The following GABBR1 variants were observed in gnomAD, a reference collection of about 807,000 sequenced individuals.
The protein encoded by GABBR1 is gamma-aminobutyric acid type B receptor subunit 1.
A neutral mutation model predicts 117.7 loss-of-function variants in GABBR1; 35 were observed. The observed-to-expected ratio is 0.30, with a 90% confidence interval of 0.23 to 0.39. The LOEUF (loss-of-function observed/expected upper bound fraction) is 0.39, where lower values mean the gene tolerates loss of function less well. GABBR1 is among the 10% of genes least tolerant of loss of function. GABBR1 has a pLI of 1.00. For missense variants in GABBR1, 709 were observed against 1,241.8 expected, an observed-to-expected ratio of 0.57 and a Z score of 6.45; for synonymous variants, 442 against 486.6, an observed-to-expected ratio of 0.91 and a Z score of 1.21.
At position 29,631,508 on chromosome 6, in the gene GABBR1, C is replaced by T. The variant is rs746675768; in HGVS notation, c.177G>A (p.Val59=). 8.1e-6 allele frequency: 13 copies of T among 1,614,116 alleles called. No individual in the cohort carries two copies. In the Admixed American group the frequency reaches 1.0e-4, roughly 12 times the overall value. ...GGCACACATACTCAATCTCATAGTC[C>T]ACTGGCAGGAAGTTGATAGCCTTCA... is the stretch of plus-strand genomic sequence containing the variant. ...DQVKAINFLP[V]DYEIEYVCRG... is the part of the protein sequence containing the mutation. The change falls in exon 3 of 23, where the codon GTG becomes GTA. Residue 59 remains valine, a synonymous_variant. Coordinates refer to ENST00000377034, the MANE Select transcript of GABBR1 (RefSeq NM_001470.4). This position sits in a 1 kb window ranked among gnomAD's most constrained non-coding sequence, Gnocchi z 5.9.
At position 29,622,469 on chromosome 6, in the gene GABBR1, T is replaced by C; in HGVS notation, c.964-264A>G. On this transcript the variant is annotated intron_variant, in intron 8 of 22. Transcript: ENST00000377034. This position sits in a 1 kb window ranked among gnomAD's most constrained non-coding sequence, Gnocchi z 4.6. ...GGAAGCCACTCCATTCACCCACTCCTACCACTGAAGGCAAAGATGGGGTAA... is the reference window on the plus strand; with the variant it reads ...GGAAGCCACTCCATTCACCCACTCCCACCACTGAAGGCAAAGATGGGGTAA... 2.1e-6 allele frequency: 1 copy of C among 486,872 alleles called. No homozygotes were observed. The highest frequency in any genetic ancestry group is 3.7e-6 in the Non-Finnish European group (1 of 272,214). 30.2% of individuals were successfully genotyped at this position (486,872 alleles called of 1,614,324 possible). A position where few individuals can be genotyped will look rare whatever the true frequency, so the allele number is the denominator to read the frequency against.
Position 29,625,254 on chromosome 6 carries a change from A to T in GABBR1, c.658-1230T>A, listed in dbSNP as rs1388598816. On this transcript the variant is annotated intron_variant, in intron 6 of 22. Coordinates refer to ENST00000377034, the MANE Select transcript of GABBR1 (RefSeq NM_001470.4). ...TAGGGCAACTTTGTAAATCTTTACC[A>T]TTCTCAGGACCCACCTTCCTGCACT... is the stretch of plus-strand genomic sequence containing the variant. 2.6e-5 allele frequency among the ~76,000 whole-genome samples: 4 copies of T among 152,192 alleles called. No homozygotes were observed. In the South Asian group the frequency reaches 8.3e-4, roughly 32 times the overall value.
At chr6:29,612,463 G>A in intron 13 of GABBR1, 88 bp downstream of exon 13, 2 of 1,076,778 alleles carry the variant, frequency 1.9e-6, no homozygotes, top group Non-Finnish European at 2.8e-6. Context: ...GCAATCTTGT[G>A]ATGTCTCTGG....
chr6:29,624,913 C>A (rs28359984), intron 6 of GABBR1, among the ~76,000 whole-genome samples: 14,869 of 151,948 alleles, frequency 0.098, 853 homozygotes, highest in Middle Eastern at 0.21. Flanking sequence ...CATGTGAAGA[C>A]GAAATGGCAG....
intron 14 of GABBR1, among the ~76,000 whole-genome samples, chr6:29,610,050 T>A (rs1297008462): frequency 6.7e-6 from 1 of 149,362 alleles, no homozygotes; most frequent in Non-Finnish European, 1.5e-5. Context: ...TCCAGAACAT[T>A]GTCCTAAATT....
At position 29,613,298 on chromosome 6, in the gene GABBR1, G is replaced by T. The variant is rs1264897322; in HGVS notation, c.1511C>A (p.Thr504Asn). 1.2e-5 allele frequency: 20 copies of T among 1,613,006 alleles called. No individual in the cohort carries two copies. The highest frequency in any genetic ancestry group is 1.7e-5 in the Non-Finnish European group (20 of 1,179,974). ...RLEDFNYNNQTITDQIYRAMN... is the reference protein window; with the variant it reads ...RLEDFNYNNQNITDQIYRAMN... Reference sequence around the variant, plus strand: ...TGCCCGGTAGATTTGGTCGGTAATGGTCTGGTTGTTGTAGTTGAAGTCCTC... The same window carrying T: ...TGCCCGGTAGATTTGGTCGGTAATGTTCTGGTTGTTGTAGTTGAAGTCCTC... Residue 504 changes from threonine to asparagine, a missense_variant, in exon 12 of 23, where the codon ACC (threonine) becomes AAC (asparagine). Thr to Asn is a moderately conservative substitution (Grantham distance 65). Around this residue, in one of 9 missense-constraint regions of GABBR1, gnomAD observed 38 missense variants for 47.7 expected, o/e 0.80. Coordinates refer to ENST00000377034, the MANE Select transcript of GABBR1 (RefSeq NM_001470.4). This position sits in a 1 kb window ranked among gnomAD's most constrained non-coding sequence, Gnocchi z 4.1.
rs1309813235 is a variant in GABBR1 at position 29,605,902 on chromosome 6, G to A, written c.2312-206C>T. On this transcript the variant is annotated intron_variant, in intron 19 of 22. Coordinates refer to ENST00000377034, the MANE Select transcript of GABBR1 (RefSeq NM_001470.4). This position sits in a 1 kb window ranked among gnomAD's most constrained non-coding sequence, Gnocchi z 4.2. Reference sequence around the variant, plus strand: ...GCCCAGACCACATCACTTTTTCCTGGGATTCACACAGGAAAGCAATGGTGG... The same window carrying A: ...GCCCAGACCACATCACTTTTTCCTGAGATTCACACAGGAAAGCAATGGTGG... 7 of 599,210 alleles carry A rather than the reference G, an allele frequency of 1.2e-5. No homozygotes were observed. Among genetic ancestry groups the A allele is most frequent in the South Asian group, 4.1e-5 (2 of 48,278 alleles). The allele number at this position is 599,210 out of a possible 1,614,324, so 37.1% of individuals were successfully genotyped here. A position where few individuals can be genotyped will look rare whatever the true frequency, so the allele number is the denominator to read the frequency against.
In GABBR1 at chr6:29,631,539, TCCCGAGTCAGGC is replaced by T; in HGVS notation, c.134_145del (p.Gly45_Arg48del). 1 of 1,614,150 alleles carries T rather than the reference TCCCGAGTCAGGC, an allele frequency of 6.2e-7. No homozygotes were observed. The highest frequency in any genetic ancestry group is 8.5e-7 in the Non-Finnish European group (1 of 1,180,028). On this transcript the variant is annotated inframe_deletion, in exon 3 of 23. Transcript: ENST00000377034. This position sits in a 1 kb window ranked among gnomAD's most constrained non-coding sequence, Gnocchi z 5.9. ...CAGGAAGTTGATAGCCTTCACCTGG[TCCCGAGTCAGGC>T]CCCGGTACCTGATGCCCCCTTCCCA...
In GABBR1 at chr6:29,625,058, A is replaced by G. The variant is rs143059162; in HGVS notation, c.658-1034T>C. Among the ~76,000 whole-genome samples the G allele has an allele frequency of 1.2e-4, 19 of 152,066 alleles. No individual in the cohort carries two copies. In the Middle Eastern group the frequency reaches 0.01, roughly 82 times the overall value. ...TCTGGAGCCTGCTTACCTCCCACTGAGGCCTGACATTTGGGACACGGTGGG... is the reference window on the plus strand; with the variant it reads ...TCTGGAGCCTGCTTACCTCCCACTGGGGCCTGACATTTGGGACACGGTGGG... On this transcript the variant is annotated intron_variant, in intron 6 of 22. Coordinates refer to ENST00000377034, the MANE Select transcript of GABBR1 (RefSeq NM_001470.4).
intron 11 of GABBR1, among the ~76,000 whole-genome samples, chr6:29,614,665 C>T (rs1762880884): frequency 6.6e-6 from 1 of 152,190 alleles, no homozygotes; most frequent in East Asian, 1.9e-4. Context: ...CAGCATCTAG[C>T]ACTGTGCCCA....
At chr6:29,629,568 G>T (rs141559918) in intron 4 of GABBR1, among the ~76,000 whole-genome samples, 1 of 152,244 alleles carries the variant, frequency 6.6e-6, no homozygotes, top group Non-Finnish European at 1.5e-5. Flanking sequence ...GAGGAACCTT[G>T]AAGTCTAAGT....
intron 11 of GABBR1, among the ~76,000 whole-genome samples, chr6:29,615,731 G>A (rs1459707227): frequency 6.6e-6 from 1 of 151,754 alleles, no homozygotes; most frequent in Non-Finnish European, 1.5e-5. Flanking sequence ...GACAAGACTG[G>A]GCAAAACAGA....
Position 29,627,523 on chromosome 6 carries a change from G to C in GABBR1, c.620C>G (p.Pro207Arg), listed in dbSNP as rs768328343. The change falls in exon 6 of 23, where the codon CCG (proline) becomes CGG (arginine). Residue 207 changes from proline (P) to arginine (R), a missense_variant. Physicochemically the swap from Pro to Arg is moderately radical, Grantham distance 103. Transcript: ENST00000377034. This position sits in a 1 kb window ranked among gnomAD's most constrained non-coding sequence, Gnocchi z 4.4. ...GTGGATGAGCTTGAGCTCATAGTCC[G>C]GCAGGATGTCCCTGCGGCTATTCAC... is the stretch of plus-strand genomic sequence containing the variant. ...EDVNSRRDIL[P>R]DYELKLIHHD... The C allele has an allele frequency of 3.5e-6, 5 of 1,440,840 alleles. No homozygotes were observed. In the Admixed American group the frequency reaches 5.6e-5, roughly 16 times the overall value. 89.3% of individuals were successfully genotyped at this position (1,440,840 alleles called of 1,614,324 possible).
chr6:29,614,981 C>CAAAAGAA (rs1217275048), intron 11 of GABBR1, among the ~76,000 whole-genome samples: 2 of 81,174 alleles, frequency 2.5e-5, no homozygotes, highest in Non-Finnish European at 4.4e-5. Context: ...TAAAACTGCT[C>CAAAAGAA]AAAAAAAAAA....
Position 29,632,837 on chromosome 6 carries a change from C to T in GABBR1, c.-1+13G>A. 4.2e-6 allele frequency: 2 copies of T among 476,186 alleles called. No individual in the cohort carries two copies. The highest frequency in any genetic ancestry group is 5.5e-5 in the South Asian group (2 of 36,666). The allele number at this position is 476,186 out of a possible 1,614,324, so 29.5% of individuals were successfully genotyped here. A position where few individuals can be genotyped will look rare whatever the true frequency, so the allele number is the denominator to read the frequency against. ...CTCTCCGAGCCCTGCTAACCCGGGG[C>T]CCTGGCTCTTACCTCGGCGCGCGGG... On this transcript the variant is annotated intron_variant, in intron 1 of 22. Transcript: ENST00000377034. This position sits in a 1 kb window ranked among gnomAD's most constrained non-coding sequence, Gnocchi z 5.8.
At chr6:29,628,857 A>C (rs1197712379) in intron 5 of GABBR1, among the ~76,000 whole-genome samples, 1 of 151,154 alleles carries the variant, frequency 6.6e-6, no homozygotes, top group Admixed American at 6.6e-5. Context: ...GGTGGAGCCC[A>C]GGGAAGTGTA....
chr6:29,607,185 G>C lies in GABBR1; in HGVS notation c.2026C>G (p.Leu676Val). 1 of 1,614,144 alleles carries C rather than the reference G, an allele frequency of 6.2e-7. No homozygotes were observed. The highest frequency in any genetic ancestry group is 8.5e-7 in the Non-Finnish European group (1 of 1,180,024). Residue 676 changes from leucine (L) to valine (V), a missense_variant, in exon 17 of 23, where the codon CTG (leucine) becomes GTG (valine). This residue lies in a region of GABBR1 where 251 missense variants were observed against 445.3 expected (regional missense o/e 0.56). Coordinates refer to ENST00000377034, the MANE Select transcript of GABBR1 (RefSeq NM_001470.4). This position sits in a 1 kb window ranked among gnomAD's most constrained non-coding sequence, Gnocchi z 5.0. The stretch of plus-strand genomic sequence containing the variant: ...TTGGTGAACATGGAACCGTAGCCCA[G>C]ACTAAAGCCCAGGCCCAGGAGCCAG... ...RLWLLGLGFS[L>V]GYGSMFTKIW...
rs535768500 is a variant in GABBR1 at position 29,621,980 on chromosome 6, C to T, written c.1065+124G>A. 5.7e-5 allele frequency: 60 copies of T among 1,048,302 alleles called. No homozygotes were observed. The highest frequency in any genetic ancestry group is 8.7e-5 in the Non-Finnish European group (60 of 691,180). The allele number at this position is 1,048,302 out of a possible 1,614,324, so 64.9% of individuals were successfully genotyped here. A position where few individuals can be genotyped will look rare whatever the true frequency, so the allele number is the denominator to read the frequency against. ...CAACTGGAAGATGGAGCTAAACTTC[C>T]CCAGGAGATGCTATTGCCTCAGAGA... is the stretch of plus-strand genomic sequence containing the variant. On this transcript the variant is annotated intron_variant, in intron 9 of 22. Coordinates refer to ENST00000377034, the MANE Select transcript of GABBR1 (RefSeq NM_001470.4). The surrounding 1 kb of genome is among the most constrained non-coding windows in gnomAD (Gnocchi z 5.0).
intron 14 of GABBR1, 92 bp downstream of exon 14, chr6:29,610,832 A>G (rs967324211): frequency 4.6e-6 from 5 of 1,093,382 alleles, no homozygotes; most frequent in Non-Finnish European, 7.0e-6. Context: ...CCAACCTAAC[A>G]GTCTCTACCA....
Sources: gnomAD v4.1 joint callset for allele counts (sites outside exome capture counted in the v4.1 genomes callset) on GRCh38, gnomAD v4.1.1 for gene constraint, gnomAD v4.1.1 regional missense constraint, Gnocchi (gnomAD v3.1) non-coding constraint, MANE v1.5 for transcripts, NCBI Gene and HGNC (gene_info 2026-07-23, HGNC 2026-07-21) for gene names.